The following PCCA variants were observed in gnomAD, a reference collection of about 807,000 sequenced individuals.
PCCA encodes the protein propionyl-CoA carboxylase subunit alpha, also known as propionyl-CoA carboxylase alpha chain, mitochondrial.
In PCCA, 74 loss-of-function variants were observed where a neutral mutation model predicts 101.3. That is an observed-to-expected ratio of 0.73 (90% CI 0.61 to 0.89). PCCA has a LOEUF of 0.89. Ranked by LOEUF, PCCA falls within the 40% of genes least tolerant of loss-of-function variation. The probability of loss-of-function intolerance (pLI) is 0.00; values close to 1 mark genes in which losing one functional copy is unlikely to be tolerated. For synonymous variants in PCCA, 294 were observed against 313.6 expected (o/e 0.94, Z 0.66); for missense variants, 891 against 907.0 (o/e 0.98, Z 0.23).
At chr13:100,319,433 T>C (rs547520220) in intron 16 of PCCA, among the ~76,000 whole-genome samples, 44 of 152,344 alleles carry the variant, frequency 2.9e-4, no homozygotes, top group Admixed American at 9.1e-4. Context: ...TGAATGGTAT[T>C]GCCTAGGTTT....
rs373071498 is a variant in PCCA, at chr13:100,520,370, G to A, written c.2040+4803G>A. 1.8e-4 allele frequency among the ~76,000 whole-genome samples: 27 copies of A among 152,270 alleles called. No individual in the cohort carries two copies. The East Asian group carries it at 1.9e-3, about 11-fold the overall frequency. On this transcript the variant is annotated intron_variant, in intron 22 of 23. Coordinates refer to ENST00000376285, the MANE Select transcript of PCCA (RefSeq NM_000282.4). The stretch of plus-strand genomic sequence containing the variant: ...AAATGTTAAGAGTTGGTTTTTGGCC[G>A]GGCGCGGTGGCTCACGCCTGTAATC...
chr13:100,230,245 C>G (rs1458894439), intron 7 of PCCA, among the ~76,000 whole-genome samples: 1 of 151,976 alleles, frequency 6.6e-6, no homozygotes, highest in African/African-American at 2.4e-5. Context: ...TGGAAAGGCA[C>G]TCTAAAGAAA....
At chr13:100,330,995 A>G (rs2069476482) in intron 17 of PCCA, among the ~76,000 whole-genome samples, 1 of 152,178 alleles carries the variant, frequency 6.6e-6, no homozygotes, top group Non-Finnish European at 1.5e-5. Flanking sequence ...TGTATTTTCT[A>G]CTGAGGTGAG....
chr13:100,395,941 A>G (rs750719114), intron 19 of PCCA, among the ~76,000 whole-genome samples: 2 of 152,234 alleles, frequency 1.3e-5, no homozygotes, highest in Non-Finnish European at 2.9e-5. Flanking sequence ...CTTTTTGGAT[A>G]TAGGGACACA....
chr13:100,278,846 G>C (rs2063862543), intron 12 of PCCA, among the ~76,000 whole-genome samples: 1 of 151,882 alleles, frequency 6.6e-6, no homozygotes, highest in Non-Finnish European at 1.5e-5. Flanking sequence ...TATGTTTTGT[G>C]TATTGGATAG....
At chr13:100,330,417 G>T (rs1045279645) in intron 16 of PCCA, 144 bp from the exon 17 acceptor site, 4 of 633,126 alleles carry the variant, frequency 6.3e-6, no homozygotes, top group Admixed American at 2.6e-5. Flanking sequence ...GATATTTTTT[G>T]TTGTTAATAG....
chr13:100,212,636 T>TA (rs2059286081), intron 7 of PCCA, among the ~76,000 whole-genome samples: 1 of 152,184 alleles, frequency 6.6e-6, no homozygotes, highest in Non-Finnish European at 1.5e-5. Flanking sequence ...GCCTTCTAAT[T>TA]AGTCTCCTTG....
At chr13:100,421,937 G>A (rs1224586081) in intron 19 of PCCA, among the ~76,000 whole-genome samples, 8 of 151,898 alleles carry the variant, frequency 5.3e-5, no homozygotes, top group Admixed American at 1.3e-4. Flanking sequence ...CGCCCGCCTC[G>A]GCCTCCCAAA....
intron 8 of PCCA, among the ~76,000 whole-genome samples, chr13:100,255,474 CA>C (rs2062017493): frequency 6.6e-6 from 1 of 152,150 alleles, no homozygotes; most frequent in Non-Finnish European, 1.5e-5. Flanking sequence ...TCCTAATCGT[CA>C]GAGGGAACTG....
intron 20 of PCCA, among the ~76,000 whole-genome samples, chr13:100,447,672 CA>C (rs548052967): frequency 2.2e-3 from 293 of 134,172 alleles, no homozygotes; most frequent in Middle Eastern, 8.3e-3. Flanking sequence ...AACTCTGTCT[CA>C]AAAAAAAAAA....
intron 8 of PCCA, among the ~76,000 whole-genome samples, chr13:100,251,479 A>C (rs2061749604): frequency 6.6e-6 from 1 of 152,244 alleles, no homozygotes; most frequent in Admixed American, 6.5e-5. Context: ...TTCTTTAGGC[A>C]GTTTCAGCCA....
At chr13:100,471,665 C>T (rs145268943) in intron 21 of PCCA, among the ~76,000 whole-genome samples, 57 of 152,262 alleles carry the variant, frequency 3.7e-4, no homozygotes, top group Admixed American at 1.8e-3. Flanking sequence ...TCTGTTAATG[C>T]CACATCTGTC....
At chr13:100,151,532 C>T (rs983898141) in intron 4 of PCCA, among the ~76,000 whole-genome samples, 2 of 151,462 alleles carry the variant, frequency 1.3e-5, no homozygotes, top group African/African-American at 4.9e-5. Context: ...GTGGAGGTTG[C>T]GATGAGCCGA....
intron 21 of PCCA, among the ~76,000 whole-genome samples, chr13:100,458,294 T>TACACACACACAC (rs57961819): frequency 3.5e-5 from 3 of 86,516 alleles, no homozygotes; most frequent in East Asian, 4.1e-4. Context: ...ACCCCATCTC[T>TACACACACACAC]ACACACACAC....
chr13:100,146,204 G>A (rs1271108844), intron 4 of PCCA, among the ~76,000 whole-genome samples: 1 of 151,402 alleles, frequency 6.6e-6, no homozygotes, highest in African/African-American at 2.4e-5. Flanking sequence ...ACCTCCCAAA[G>A]TGCTGGGATT....
chr13:100,189,769 C>T (rs2057609433), intron 6 of PCCA, among the ~76,000 whole-genome samples: 1 of 152,234 alleles, frequency 6.6e-6, no homozygotes, highest in Admixed American at 6.5e-5. Flanking sequence ...TTTGGCCTCC[C>T]AAAGTGCTGG....
intron 6 of PCCA, among the ~76,000 whole-genome samples, chr13:100,204,326 GA>G (rs2058724827): frequency 6.6e-6 from 1 of 152,130 alleles, no homozygotes; most frequent in Middle Eastern, 3.2e-3. Flanking sequence ...TTTTTGTAGA[GA>G]AAAGTTTTTG....
intron 18 of PCCA, among the ~76,000 whole-genome samples, chr13:100,353,863 G>A (rs1057126155): frequency 3.3e-5 from 5 of 151,946 alleles, no homozygotes; most frequent in Admixed American, 1.3e-4. Context: ...TGAGGTTGGG[G>A]AATTGTTTGA....
intron 21 of PCCA, among the ~76,000 whole-genome samples, chr13:100,484,646 A>G (rs970601991): frequency 1.3e-5 from 2 of 152,220 alleles, no homozygotes; most frequent in African/African-American, 4.8e-5. Context: ...TCCACTATTG[A>G]TACCAGTTTC....
Sources: gnomAD v4.1 joint callset for allele counts (sites outside exome capture counted in the v4.1 genomes callset) on GRCh38, gnomAD v4.1.1 for gene constraint, MANE v1.5 for transcripts, NCBI Gene and HGNC (gene_info 2026-07-23, HGNC 2026-07-21) for gene names.